Variants in ADCY5 observed in about 807,000 individuals in gnomAD.
The protein encoded by ADCY5 is adenylate cyclase type 5.
A neutral mutation model predicts 119.7 loss-of-function variants in ADCY5; 30 were observed. That is an observed-to-expected ratio of 0.25 (90% CI 0.19 to 0.34). ADCY5 has a LOEUF of 0.34. ADCY5 is among the 10% of genes least tolerant of loss of function. The probability of loss-of-function intolerance (pLI) is 1.00; values close to 1 mark genes in which losing one functional copy is unlikely to be tolerated. For synonymous variants in ADCY5, 753 were observed against 762.2 expected, an observed-to-expected ratio of 0.99 and a Z score of 0.20; for missense variants, 1,324 against 1,775.2, an observed-to-expected ratio of 0.75 and a Z score of 4.57.
chr3:123,427,019 T>A (rs1037449137), intron 1 of ADCY5, among the ~76,000 whole-genome samples: 1 of 152,142 alleles, frequency 6.6e-6, no homozygotes, highest in African/African-American at 2.4e-5. Flanking sequence ...GATATCTGGT[T>A]CCCCAGAGGC....
chr3:123,303,274 G>A, intron 13 of ADCY5, 55 bp from the exon 14 acceptor site: 1 of 1,563,472 alleles, frequency 6.4e-7, no homozygotes, highest in Non-Finnish European at 8.7e-7. Context: ...GGGACAGGTA[G>A]AGCAGCCCAG....
chr3:123,398,804 C>T (rs747170391), intron 1 of ADCY5, among the ~76,000 whole-genome samples: 5 of 152,222 alleles, frequency 3.3e-5, no homozygotes, highest in Non-Finnish European at 7.3e-5. Flanking sequence ...TAGCGAGCCA[C>T]ACTGCAGTCT....
intron 3 of ADCY5, among the ~76,000 whole-genome samples, chr3:123,343,828 C>T (rs1456206907): frequency 6.6e-6 from 1 of 152,178 alleles, no homozygotes; most frequent in African/African-American, 2.4e-5. Context: ...CCAGCATGGG[C>T]CCTGGCTCCA....
chr3:123,317,793 C>T (rs1027756906), intron 11 of ADCY5, among the ~76,000 whole-genome samples: 14 of 151,748 alleles, frequency 9.2e-5, no homozygotes, highest in African/African-American at 3.1e-4. Flanking sequence ...AGCTGTGCAG[C>T]GCCTAGTGAG....
At chr3:123,402,878 T>C (rs982361574) in intron 1 of ADCY5, among the ~76,000 whole-genome samples, 1 of 150,710 alleles carries the variant, frequency 6.6e-6, no homozygotes, top group African/African-American at 2.4e-5. Context: ...AAAGGAGCCC[T>C]AGTCGTGTCT....
At position 123,382,223 on chromosome 3, in the gene ADCY5, A is replaced by G. The variant is rs79222932; in HGVS notation, c.1135-29642T>C. The stretch of plus-strand genomic sequence containing the variant: ...AATGCCAGAAAAGTCCTCTAACATC[A>G]TCTCATCTATAAAGGACAACACTTC... On this transcript the variant is annotated intron_variant, in intron 1 of 20. Transcript: ENST00000462833. 4.3e-4 allele frequency among the ~76,000 whole-genome samples: 66 copies of G among 152,288 alleles called. 1 individual carries two copies. The East Asian group carries it at 0.012, about 28-fold the overall frequency.
intron 1 of ADCY5, among the ~76,000 whole-genome samples, chr3:123,389,574 A>T (rs913415061): frequency 2.6e-5 from 4 of 151,100 alleles, no homozygotes; most frequent in African/African-American, 9.7e-5. Flanking sequence ...CATGCTGGCC[A>T]CTCCTGGTTC....
Position 123,286,918 on chromosome 3 carries a change from G to A in ADCY5, c.3533-109C>T, listed in dbSNP as rs902457586. 9.7e-6 allele frequency: 14 copies of A among 1,438,470 alleles called. No individual in the cohort carries two copies. Among genetic ancestry groups the A allele is most frequent in the East Asian group, 2.5e-5 (1 of 40,590 alleles). The allele number at this position is 1,438,470 out of a possible 1,614,324, so 89.1% of individuals were successfully genotyped here. ...TTCTGACTCCCAACCTGAGACACCCGTGGGCTTCCAGGCCCAAGGCTGTGC... is the reference window on the plus strand; with the variant it reads ...TTCTGACTCCCAACCTGAGACACCCATGGGCTTCCAGGCCCAAGGCTGTGC... On this transcript the variant is annotated intron_variant, in intron 19 of 20. Transcript: ENST00000462833. This position sits in a 1 kb window ranked among gnomAD's most constrained non-coding sequence, Gnocchi z 4.2.
rs56185421 is a variant in ADCY5, at chr3:123,345,769, G to GACACACACACACACACACACACACACAC, written c.1406+2012_1406+2013insGTGTGTGTGTGTGTGTGTGTGTGTGTGT. ...AGACAGACAGACAGACAGACAGACA[G>GACACACACACACACACACACACACACAC]ACACACACACACACACACACACACA... On this transcript the variant is annotated intron_variant, in intron 3 of 20. Transcript: ENST00000462833. Among the ~76,000 whole-genome samples, 43 of 113,824 alleles carry GACACACACACACACACACACACACACAC rather than the reference G, an allele frequency of 3.8e-4. 1 individual carries two copies. Among genetic ancestry groups the GACACACACACACACACACACACACACAC allele is most frequent in the African/African-American group, 1.6e-3 (41 of 25,368 alleles). 74.7% of individuals were successfully genotyped at this position (113,824 alleles called of 152,430 possible). A position where few individuals can be genotyped will look rare whatever the true frequency, so the allele number is the denominator to read the frequency against.
chr3:123,415,103 T>A (rs190789010), intron 1 of ADCY5, among the ~76,000 whole-genome samples: 25 of 152,260 alleles, frequency 1.6e-4, no homozygotes, highest in Admixed American at 1.3e-4. Context: ...ATCCATGGAT[T>A]CTCCCACAGC....
At chr3:123,311,382 C>T (rs911575373) in intron 12 of ADCY5, among the ~76,000 whole-genome samples, 6 of 152,236 alleles carry the variant, frequency 3.9e-5, no homozygotes, top group Admixed American at 2.0e-4. Context: ...CAGAGACAGG[C>T]AGACATTCAC....
At chr3:123,408,099 G>A (rs1469763979) in intron 1 of ADCY5, among the ~76,000 whole-genome samples, 1 of 151,958 alleles carries the variant, frequency 6.6e-6, no homozygotes, top group Non-Finnish European at 1.5e-5. Context: ...GGTGGTCTCA[G>A]AGAATACAAA....
intron 1 of ADCY5, among the ~76,000 whole-genome samples, chr3:123,396,327 GGAAAA>G (rs1029622236): frequency 2.3e-5 from 3 of 133,332 alleles, no homozygotes; most frequent in Non-Finnish European, 3.1e-5. Context: ...AAAAAGGAAA[GGAAAA>G]GAAAAGAGAA....
intron 1 of ADCY5, among the ~76,000 whole-genome samples, chr3:123,426,294 T>G (rs1315351067): frequency 4.8e-4 from 10 of 21,038 alleles, no homozygotes; most frequent in Non-Finnish European, 1.3e-3. Context: ...TTTCTTTTCT[T>G]TTGTGTTTTT....
chr3:123,301,110 G>A (rs1939821299), intron 14 of ADCY5, among the ~76,000 whole-genome samples: 1 of 151,936 alleles, frequency 6.6e-6, no homozygotes, highest in African/African-American at 2.4e-5. Flanking sequence ...TAATCTCGGA[G>A]GTCCCCATCT....
At position 123,392,935 on chromosome 3, in the gene ADCY5, T is replaced by C. The variant is rs1057303297; in HGVS notation, c.1135-40354A>G. Among the ~76,000 whole-genome samples the C allele has an allele frequency of 3.9e-5, 6 of 152,212 alleles. No homozygotes were observed. In the East Asian group the frequency reaches 5.8e-4, roughly 15 times the overall value. On this transcript the variant is annotated intron_variant, in intron 1 of 20. Coordinates refer to ENST00000462833, the MANE Select transcript of ADCY5 (RefSeq NM_183357.3). ...TTCCAGATTGTTCAAGTGGTGTCTG[T>C]GGCTTTATGATCAGAAGGGGGTCTC...
intron 1 of ADCY5, among the ~76,000 whole-genome samples, chr3:123,385,928 G>T (rs1944205702): frequency 6.6e-6 from 1 of 152,080 alleles, no homozygotes; most frequent in Admixed American, 6.6e-5. Context: ...GGCTCTCCAG[G>T]GTAGGTGCTC....
Position 123,402,500 on chromosome 3 carries a change from G to C in ADCY5, c.1134+44912C>G, listed in dbSNP as rs111751934. Among the ~76,000 whole-genome samples, 642 of 152,314 alleles carry C rather than the reference G, an allele frequency of 4.2e-3. 8 individuals are homozygous for C. Among genetic ancestry groups the C allele is most frequent in the African/African-American group, 0.015 (624 of 41,576 alleles). Reference sequence around the variant, plus strand: ...AGGAAGGCAAGCACCGGCTTCTTTTGAATCTCTCCATCCAAGGAAGAGCAG... The same window carrying C: ...AGGAAGGCAAGCACCGGCTTCTTTTCAATCTCTCCATCCAAGGAAGAGCAG... On this transcript the variant is annotated intron_variant, in intron 1 of 20. Coordinates refer to ENST00000462833, the MANE Select transcript of ADCY5 (RefSeq NM_183357.3).
chr3:123,300,122 G>A lies in ADCY5; in HGVS notation c.2898C>T (p.Ala966=). The change falls in exon 15 of 21, where the codon GCC becomes GCT. Residue 966 remains alanine (A), a splice_region_variant and synonymous_variant. Transcript: ENST00000462833. ...AGCGTGAGGGAGGTGCCCCATACAT[G>A]GCGTTGGCGGTGACCAGCAGGTCGG... The part of the protein sequence containing the change: ...DNADLLVTAN[A]IDFFNNGTSQ... 6.2e-7 allele frequency: 1 copy of A among 1,613,796 alleles called. No individual in the cohort carries two copies. Among genetic ancestry groups the A allele is most frequent in the East Asian group, 2.2e-5 (1 of 44,890 alleles).
Sources: gnomAD v4.1 joint callset for allele counts (sites outside exome capture counted in the v4.1 genomes callset) on GRCh38, gnomAD v4.1.1 for gene constraint, Gnocchi (gnomAD v3.1) non-coding constraint, MANE v1.5 for transcripts, NCBI Gene and HGNC (gene_info 2026-07-23, HGNC 2026-07-21) for gene names.